The following CYBC1 variants were observed in gnomAD, a reference collection of about 807,000 sequenced individuals.
CYBC1 encodes the protein essential for reactive oxygen species protein.
CYBC1 carries 22 observed loss-of-function variants against 21.7 expected under a neutral mutation model. That is an observed-to-expected ratio of 1.02 (90% CI 0.73 to 1.45). The LOEUF (loss-of-function observed/expected upper bound fraction) is 1.45. Among genes scored for constraint, CYBC1 ranks in the 40% most tolerant of loss-of-function variants. CYBC1 has a pLI of 0.00. For missense variants in CYBC1, 237 were observed against 242.1 expected, an observed-to-expected ratio of 0.98 and a Z score of 0.14; for synonymous variants, 112 against 98.7, an observed-to-expected ratio of 1.13 and a Z score of -0.80.
chr17:82,445,900 T>A lies in CYBC1; in HGVS notation c.262A>T (p.Lys88Ter). 6.2e-7 allele frequency: 1 copy of A among 1,613,522 alleles called. No individual in the cohort carries two copies. The highest frequency in any genetic ancestry group is 1.7e-4 in the Middle Eastern group (1 of 6,058). ...VVLKTFSLYK[K>*]LLTLFRAGHD... ...CCAGCTCTGAAAAGAGTCAGCAGCT[T>A]CTTGTAGAGGCTGAACGTCTTCAAA... Residue 88 changes from lysine to a stop codon, truncating the protein, a stop_gained, in exon 5 of 7, where the codon AAG becomes TAG. Transcript: ENST00000306645. LOFTEE classifies it high-confidence loss of function.
At position 82,443,219 on chromosome 17, in the gene CYBC1, C is replaced by T. The variant is rs1046832908; in HGVS notation, c.*785G>A. 6.5e-6 allele frequency: 2 copies of T among 306,854 alleles called. No homozygotes were observed. The highest frequency in any genetic ancestry group is 1.3e-5 in the Non-Finnish European group (2 of 155,284). The allele number at this position is 306,854 out of a possible 1,614,324, so 19.0% of individuals were successfully genotyped here. On this transcript the variant is annotated 3_prime_UTR_variant, in exon 7 of 7. Coordinates refer to ENST00000306645, the MANE Select transcript of CYBC1 (RefSeq NM_001033046.4). The surrounding 1 kb of genome is among the most constrained non-coding windows in gnomAD (Gnocchi z 6.7). The stretch of plus-strand genomic sequence containing the variant: ...AACCACTGCGCCCGGCTGGAGCTCC[C>T]GGTTTTTAAGCACTGCACGATACTA...
At chr17:82,447,352 CAAAA>C (rs59578640) in intron 3 of CYBC1, 435 of 467,780 alleles carry the variant, frequency 9.3e-4, no homozygotes, top group Admixed American at 1.2e-3. Flanking sequence ...GACTCCGTCT[CAAAA>C]AAAAAAAAAA....
At chr17:82,445,537 C>T (rs1335784742) in intron 5 of CYBC1, 4 of 225,952 alleles carry the variant, frequency 1.8e-5, no homozygotes, top group Non-Finnish European at 3.5e-5. Flanking sequence ...CAGAGGCTGC[C>T]CGAGCCCGGG....
Position 82,450,715 on chromosome 17 carries a change from C to G in CYBC1, c.-54G>C, listed in dbSNP as rs1358322610. 1 of 152,250 alleles carries G rather than the reference C, an allele frequency of 6.6e-6. No individual in the cohort carries two copies. The highest frequency in any genetic ancestry group is 1.5e-5 in the Non-Finnish European group (1 of 68,086). 9.4% of individuals were successfully genotyped at this position (152,250 alleles called of 1,614,324 possible). A position where few individuals can be genotyped will look rare whatever the true frequency, so the allele number is the denominator to read the frequency against. ...AGCCGCCTACCGAGAGCACAGCGGT[C>G]CCCGCGCCGCAGCAGAGAGACGCGA... On this transcript the variant is annotated 5_prime_UTR_variant, in exon 1 of 7. Transcript: ENST00000306645.
At chr17:82,444,635 T>C in intron 5 of CYBC1, 44 bp from the exon 6 acceptor site, 1 of 1,558,784 alleles carries the variant, frequency 6.4e-7, no homozygotes, top group Admixed American at 1.8e-5. Flanking sequence ...CGCCCACACA[T>C]GCTGCCCGGC....
At chr17:82,446,741 G>A (rs1412459705) in intron 3 of CYBC1, 45 bp from the exon 4 acceptor site, 1 of 1,590,716 alleles carries the variant, frequency 6.3e-7, no homozygotes, top group Non-Finnish European at 8.6e-7. Context: ...CCAGGGACAT[G>A]CCCACGGGAG....
intron 5 of CYBC1, chr17:82,445,072 C>T (rs1599776747): frequency 6.4e-6 from 1 of 157,358 alleles, no homozygotes; most frequent in Non-Finnish European, 1.4e-5. Context: ...CCCAAAGCCA[C>T]AGGTGACCTG....
chr17:82,446,232 T>G (rs1286172807), intron 4 of CYBC1, among the ~76,000 whole-genome samples: 1 of 152,042 alleles, frequency 6.6e-6, no homozygotes, highest in Non-Finnish European at 1.5e-5. Context: ...AGGGAGGCAG[T>G]GGAACCAGCA....
Position 82,447,639 on chromosome 17 carries a change from C to T in CYBC1, c.86-18G>A. ...CAAGATTCCTATGAAGAGAAAGTGACTGCCTGCCTATTGATCCCGGTAAGA... is the reference window on the plus strand; with the variant it reads ...CAAGATTCCTATGAAGAGAAAGTGATTGCCTGCCTATTGATCCCGGTAAGA... On this transcript the variant is annotated intron_variant, in intron 2 of 6. Coordinates refer to ENST00000306645, the MANE Select transcript of CYBC1 (RefSeq NM_001033046.4). 6.3e-7 allele frequency: 1 copy of T among 1,584,952 alleles called. No individual in the cohort carries two copies. Among genetic ancestry groups the T allele is most frequent in the South Asian group, 1.2e-5 (1 of 86,184 alleles).
intron 6 of CYBC1, 59 bp downstream of exon 6, chr17:82,444,388 G>A (rs1432340877): frequency 6.4e-7 from 1 of 1,558,304 alleles, no homozygotes; most frequent in Admixed American, 1.8e-5. Context: ...GGGCAGTCAG[G>A]AACGGGAGTG....
At chr17:82,450,265 G>T (rs1410155100) in intron 1 of CYBC1, 1 of 152,224 alleles carries the variant, frequency 6.6e-6, no homozygotes, top group East Asian at 1.9e-4. Context: ...CTGGGTGACA[G>T]AGTGAGACCG....
intron 3 of CYBC1, chr17:82,447,124 C>T (rs1046660528): frequency 1.7e-5 from 5 of 287,448 alleles, no homozygotes; most frequent in East Asian, 2.0e-4. Context: ...GAGGCCGAGG[C>T]GGGCGGATCA....
At chr17:82,447,342 G>A (rs1239372604) in intron 3 of CYBC1, 19 of 563,134 alleles carry the variant, frequency 3.4e-5, no homozygotes, top group Non-Finnish European at 5.4e-5. Context: ...GACAGAGCGA[G>A]ACTCCGTCTC....
At chr17:82,446,556 T>C (rs956834626) in intron 4 of CYBC1, 67 bp downstream of exon 4, 10 of 1,513,564 alleles carry the variant, frequency 6.6e-6, no homozygotes, top group Admixed American at 1.7e-5. Flanking sequence ...CCTCCTTTCA[T>C]TCCCATTGCA....
At position 82,443,550 on chromosome 17, in the gene CYBC1, G is replaced by T; in HGVS notation, c.*454C>A. 1.4e-6 allele frequency: 1 copy of T among 701,320 alleles called. No individual in the cohort carries two copies. The highest frequency in any genetic ancestry group is 2.6e-6 in the Non-Finnish European group (1 of 384,670). The allele number at this position is 701,320 out of a possible 1,614,324, so 43.4% of individuals were successfully genotyped here. A position where few individuals can be genotyped will look rare whatever the true frequency, so the allele number is the denominator to read the frequency against. On this transcript the variant is annotated 3_prime_UTR_variant, in exon 7 of 7. Transcript: ENST00000306645. This position sits in a 1 kb window ranked among gnomAD's most constrained non-coding sequence, Gnocchi z 6.7. ...CAGCATCAGCACCCACAAGGGCCCG[G>T]CCTGGCCCCGCCTCTCCACTCGCCC...
Position 82,444,527 on chromosome 17 carries a change from C to G in CYBC1, c.363G>C (p.Gly121=). Residue 121 remains glycine (G), a synonymous_variant, in exon 6 of 7, where the codon GGG becomes GGC. Coordinates refer to ENST00000306645, the MANE Select transcript of CYBC1 (RefSeq NM_001033046.4). The stretch of plus-strand genomic sequence containing the variant: ...GCCGGAGCACCACCATGTAGCCTTT[C>G]CCGAAGTACCGGACCTTCTCCTCCT... ...SVEEEKVRYF[G]KGYMVVLRLA... 13 of 1,613,954 alleles carry G rather than the reference C, an allele frequency of 8.1e-6. No homozygotes were observed. Among genetic ancestry groups the G allele is most frequent in the Non-Finnish European group, 1.1e-5 (13 of 1,179,932 alleles).
At position 82,442,608 on chromosome 17, in the gene CYBC1, C is replaced by T; in HGVS notation, c.*1396G>A. ...CGCTTTGTGATCTGCATGTGTGACA[C>T]TGATTCTTTGGAAATAAAGAGTGGA... On this transcript the variant is annotated 3_prime_UTR_variant, in exon 7 of 7. Transcript: ENST00000306645. This position sits in a 1 kb window ranked among gnomAD's most constrained non-coding sequence, Gnocchi z 6.8. 6.5e-7 allele frequency: 1 copy of T among 1,549,710 alleles called. No individual in the cohort carries two copies. The highest frequency in any genetic ancestry group is 8.8e-7 in the Non-Finnish European group (1 of 1,141,332).
intron 6 of CYBC1, 30 bp from the exon 7 acceptor site, chr17:82,444,154 C>A: frequency 6.2e-7 from 1 of 1,600,750 alleles, no homozygotes; most frequent in South Asian, 1.1e-5. Context: ...GGAGGAAGGT[C>A]AGGTCACCTC....
chr17:82,446,442 C>T (rs1203704891), intron 4 of CYBC1, among the ~76,000 whole-genome samples, 181 bp downstream of exon 4: 10 of 152,222 alleles, frequency 6.6e-5, no homozygotes, highest in South Asian at 2.1e-4. Flanking sequence ...TGGCCAAGAA[C>T]GGTCCCAGAT....
Sources: allele counts gnomAD v4.1 joint callset (sites outside exome capture counted in the v4.1 genomes callset), GRCh38; gene constraint gnomAD v4.1.1; non-coding constraint Gnocchi (gnomAD v3.1); transcripts MANE v1.5; gene names NCBI Gene and HGNC (gene_info 2026-07-23, HGNC 2026-07-21).